The following CASP2 variants were observed in gnomAD, a reference collection of about 807,000 sequenced individuals.
CASP2 encodes the protein caspase-2.
Under a neutral mutation model 54.4 loss-of-function variants are expected in CASP2, and 38 were observed. The observed-to-expected ratio is 0.70, with a 90% CI of 0.54 to 0.92. The LOEUF (loss-of-function observed/expected upper bound fraction) is 0.92, where lower values mean the gene tolerates loss of function less well. CASP2 is among the 40% of genes least tolerant of loss of function. The pLI is 0.00. For synonymous variants in CASP2, 215 were observed against 216.3 expected, an observed-to-expected ratio of 0.99 and a Z score of 0.05; for missense variants, 512 against 579.6, an observed-to-expected ratio of 0.88 and a Z score of 1.20.
At chr7:143,300,382 G>A (rs766474545) in intron 8 of CASP2, 88 bp downstream of exon 8, 17 of 1,602,142 alleles carry the variant, frequency 1.1e-5, no homozygotes, top group Non-Finnish European at 1.3e-5. Flanking sequence ...CCTCTCAGGT[G>A]CTATTGGATC....
At chr7:143,295,449 A>G (rs555818224) in intron 6 of CASP2, among the ~76,000 whole-genome samples, 2 of 152,358 alleles carry the variant, frequency 1.3e-5, no homozygotes, top group South Asian at 2.1e-4. Context: ...CAGTTACTGT[A>G]CTGCACAACT....
chr7:143,305,294 A>G lies in CASP2; in HGVS notation c.*223A>G. On this transcript the variant is annotated 3_prime_UTR_variant, in exon 11 of 11. Transcript: ENST00000310447. ...TGCCTGTAGAGCCAGCCTTGGTTGG[A>G]CCTATTGCCAGGAATGTTTCAGCTG... The G allele has an allele frequency of 1.6e-6, 1 of 615,380 alleles. No individual in the cohort carries two copies. The highest frequency in any genetic ancestry group is 2.9e-6 in the Non-Finnish European group (1 of 344,648). 38.1% of individuals were successfully genotyped at this position (615,380 alleles called of 1,614,324 possible).
intron 6 of CASP2, among the ~76,000 whole-genome samples, chr7:143,299,324 C>G (rs370407002): frequency 6.6e-6 from 1 of 152,130 alleles, no homozygotes; most frequent in Non-Finnish European, 1.5e-5. Context: ...AATCTGAACC[C>G]AGGACCTGTG....
intron 8 of CASP2, chr7:143,302,210 G>A (rs1303455859): frequency 6.6e-6 from 1 of 152,132 alleles, no homozygotes; most frequent in African/African-American, 2.4e-5. Flanking sequence ...TCTTTAGCTT[G>A]GCCTGTTTCC....
intron 8 of CASP2, chr7:143,303,166 A>G (rs1381057109): frequency 6.6e-6 from 1 of 152,082 alleles, no homozygotes; most frequent in African/African-American, 2.4e-5. Context: ...TTTTTTCTTA[A>G]ATCTTGGATG....
chr7:143,291,665 C>G lies in CASP2; in HGVS notation c.200C>G (p.Thr67Ser), dbSNP rs1801564451. The change falls in exon 2 of 11, where the codon ACC becomes AGC. Residue 67 changes from threonine (T) to serine (S), a missense_variant. Coordinates refer to ENST00000310447, the MANE Select transcript of CASP2 (RefSeq NM_032982.4). Reference protein sequence around the residue: ...LEHLLEKDIITLEMRELIQAK... With the variant: ...LEHLLEKDIISLEMRELIQAK... ...CATCTTCTGGAGAAGGACATCATCA[C>G]CTTGGAAATGAGGGAGCTCATCCAG... 1 of 1,613,890 alleles carries G rather than the reference C, an allele frequency of 6.2e-7. No homozygotes were observed. Among genetic ancestry groups the G allele is most frequent in the African/African-American group, 1.3e-5 (1 of 74,960 alleles).
chr7:143,289,540 A>G (rs1801490128), intron 1 of CASP2: 1 of 711,168 alleles, frequency 1.4e-6, no homozygotes, highest in Non-Finnish European at 1.7e-6. Context: ...GAAAACAGGA[A>G]CTGGGTAGGC....
rs75015326 is a variant in CASP2, at chr7:143,304,560, C to T, written c.1118-114C>T. 1.3e-3 allele frequency: 1,050 copies of T among 808,260 alleles called. 13 individuals are homozygous for T. In the East Asian group the frequency reaches 0.018, roughly 14 times the overall value. 50.1% of individuals were successfully genotyped at this position (808,260 alleles called of 1,614,324 possible). A position where few individuals can be genotyped will look rare whatever the true frequency, so the allele number is the denominator to read the frequency against. Reference sequence around the variant, plus strand: ...AAGAGTACCCTCCTAGACTTAGATTCTTCATGCTGGGTTCTCTGACTAGGG... The same window carrying T: ...AAGAGTACCCTCCTAGACTTAGATTTTTCATGCTGGGTTCTCTGACTAGGG... On this transcript the variant is annotated intron_variant, in intron 9 of 10. Coordinates refer to ENST00000310447, the MANE Select transcript of CASP2 (RefSeq NM_032982.4).
rs1270266973 is a variant in CASP2 at position 143,290,042 on chromosome 7, A to AT, written c.75-1492dup. ...GTATTTCACTGACTCTAAGATACAC[A>AT]TTTTTTCCCTCCCTTTTTTTTTTTT... On this transcript the variant is annotated intron_variant, in intron 1 of 10. Transcript: ENST00000310447. 4.1e-4 allele frequency among the ~76,000 whole-genome samples: 54 copies of AT among 131,958 alleles called. No homozygotes were observed. In the South Asian group the frequency reaches 0.012, roughly 29 times the overall value. 86.6% of individuals were successfully genotyped at this position (131,958 alleles called of 152,430 possible). A position where few individuals can be genotyped will look rare whatever the true frequency, so the allele number is the denominator to read the frequency against.
At chr7:143,291,404 C>A (rs1290472553) in intron 1 of CASP2, 136 bp from the exon 2 acceptor site, 1 of 866,456 alleles carries the variant, frequency 1.2e-6, no homozygotes, top group Non-Finnish European at 2.0e-6. Flanking sequence ...TTGCTTTAAC[C>A]AGATTTAAGA....
At chr7:143,291,920 A>G (rs1801584377) in intron 2 of CASP2, among the ~76,000 whole-genome samples, 2 of 151,402 alleles carry the variant, frequency 1.3e-5, no homozygotes, top group South Asian at 4.2e-4. Context: ...CTGGGACTAC[A>G]GGCAGGTGCC....
intron 9 of CASP2, among the ~76,000 whole-genome samples, 155 bp downstream of exon 9, chr7:143,304,088 T>A (rs1195215945): frequency 6.6e-6 from 1 of 152,218 alleles, no homozygotes; most frequent in Non-Finnish European, 1.5e-5. Flanking sequence ...GATTTTGGAA[T>A]ATTTGCGTTA....
chr7:143,294,555 G>T (rs1801685530), intron 5 of CASP2, 42 bp from the exon 6 acceptor site: 12 of 1,577,140 alleles, frequency 7.6e-6, no homozygotes, highest in Admixed American at 1.7e-5. Context: ...GGAATCATCT[G>T]TTATCAAGAC....
chr7:143,289,946 C>T (rs1801504131), intron 1 of CASP2, among the ~76,000 whole-genome samples: 1 of 152,116 alleles, frequency 6.6e-6, no homozygotes. Context: ...CCCAGCTCTT[C>T]CCTCTTCTAA....
chr7:143,289,088 C>T (rs1470499792), intron 1 of CASP2, among the ~76,000 whole-genome samples: 1 of 152,170 alleles, frequency 6.6e-6, no homozygotes, highest in Non-Finnish European at 1.5e-5. Context: ...GTGTCCATGC[C>T]TCTGCCCCGG....
At position 143,303,785 on chromosome 7, in the gene CASP2, T is replaced by C. The variant is rs1025136502; in HGVS notation, c.969T>C (p.Asp323=). ...CCATTCTGTCTGCCTTTGTTACAGA[T>C]GAGACTGATCGTGGGGTTGACCAAC... ...KMFFIQACRG[D]ETDRGVDQQD... The change falls in exon 9 of 11, where the codon GAT becomes GAC. Residue 323 remains aspartate, a splice_region_variant and synonymous_variant. Transcript: ENST00000310447. 6.2e-7 allele frequency: 1 copy of C among 1,613,208 alleles called. No homozygotes were observed. The highest frequency in any genetic ancestry group is 2.2e-5 in the East Asian group (1 of 44,844).
At chr7:143,293,152 G>C (rs977666798) in intron 4 of CASP2, 2 of 643,586 alleles carry the variant, frequency 3.1e-6, no homozygotes, top group Non-Finnish European at 5.5e-6. Flanking sequence ...TTCAGAAATA[G>C]GGTCTTGTTC....
chr7:143,299,896 A>G (rs376495263), intron 6 of CASP2, 27 bp from the exon 7 acceptor site: 1 of 1,613,574 alleles, frequency 6.2e-7, no homozygotes, highest in African/African-American at 1.3e-5. Context: ...ACCTTAGTGC[A>G]CAACACTAAA....
At chr7:143,293,114 G>GTTTTTTTTTTTTT (rs11287848) in intron 4 of CASP2, 1 of 500,160 alleles carries the variant, frequency 2.0e-6, no homozygotes, top group African/African-American at 2.3e-5. Flanking sequence ...CCTTTTTTTT[G>GTTTTTTTTTTTTT]TTTTTTTTTT....
Sources: allele counts gnomAD v4.1 joint callset (sites outside exome capture counted in the v4.1 genomes callset), GRCh38; gene constraint gnomAD v4.1.1; transcripts MANE v1.5; gene names NCBI Gene and HGNC (gene_info 2026-07-23, HGNC 2026-07-21).